The following TLK2 variants were observed in gnomAD, a reference collection of about 807,000 sequenced individuals.
TLK2 encodes serine/threonine-protein kinase tousled-like 2.
TLK2 carries 6 observed loss-of-function variants against 117.3 expected under a neutral mutation model. That is an observed-to-expected ratio of 0.05 (90% confidence interval 0.03 to 0.10). The LOEUF (loss-of-function observed/expected upper bound fraction) is 0.10. Among genes scored for constraint, TLK2 ranks in the 10% least tolerant of loss-of-function variants. The pLI, the probability that TLK2 is intolerant of heterozygous loss-of-function variation, is 1.00. For missense variants in TLK2, 299 were observed against 901.2 expected, an observed-to-expected ratio of 0.33 and a Z score of 8.56; for synonymous variants, 257 against 316.7, an observed-to-expected ratio of 0.81 and a Z score of 2.00.
chr17:62,609,178 G>C (rs2083540292), intron 21 of TLK2, among the ~76,000 whole-genome samples: 1 of 152,126 alleles, frequency 6.6e-6, no homozygotes, highest in Admixed American at 6.5e-5. Flanking sequence ...ACCTCCCCAG[G>C]CTCAGGTGAT....
chr17:62,558,995 A>G (rs1454602744), intron 9 of TLK2, among the ~76,000 whole-genome samples: 1 of 152,178 alleles, frequency 6.6e-6, no homozygotes, highest in Non-Finnish European at 1.5e-5. Context: ...ATTATTTGCT[A>G]GAAGAGCTGA....
At chr17:62,522,939 T>A (rs2076139614) in intron 4 of TLK2, among the ~76,000 whole-genome samples, 195 bp from the exon 5 acceptor site, 1 of 152,242 alleles carries the variant, frequency 6.6e-6, no homozygotes. Flanking sequence ...TTCCTTTCAC[T>A]GCTTGTTCAG....
intron 4 of TLK2, 119 bp from the exon 5 acceptor site, chr17:62,523,015 T>C (rs1293135722): frequency 4.5e-6 from 5 of 1,104,364 alleles, no homozygotes; most frequent in Non-Finnish European, 6.2e-6. Flanking sequence ...TTGTTACAAG[T>C]AAAGCTGACA....
intron 16 of TLK2, 116 bp downstream of exon 16, chr17:62,586,342 C>A: frequency 2.9e-6 from 2 of 692,534 alleles, no homozygotes; most frequent in Non-Finnish European, 5.0e-6. Flanking sequence ...ATCTTCATAA[C>A]TGCCCTGAGA....
intron 2 of TLK2, among the ~76,000 whole-genome samples, chr17:62,487,544 G>T (rs2072563672): frequency 1.4e-5 from 2 of 145,780 alleles, no homozygotes; most frequent in Non-Finnish European, 3.0e-5. Context: ...AAGTAAGTCA[G>T]CAAGGAGATA....
rs2072816841 is a variant in TLK2 at position 62,489,134 on chromosome 17, TCA to T, written c.81+7931_81+7932del. Among the ~76,000 whole-genome samples, 3 of 151,598 alleles carry T rather than the reference TCA, an allele frequency of 2.0e-5. No individual in the cohort carries two copies. In the Admixed American group the frequency reaches 2.0e-4, roughly 10 times the overall value. ...GAAGATTTAACTCCATTTATTCCCC[TCA>T]CAATTCACACGCCATTGCTGTTCTG... is the stretch of plus-strand genomic sequence containing the variant. On this transcript the variant is annotated intron_variant, in intron 2 of 21. Transcript: ENST00000346027.
At chr17:62,536,909 C>T (rs1324972972) in intron 7 of TLK2, among the ~76,000 whole-genome samples, 1 of 152,182 alleles carries the variant, frequency 6.6e-6, no homozygotes, top group Non-Finnish European at 1.5e-5. Flanking sequence ...CTTTGAAGAA[C>T]AAGAATTTGA....
intron 6 of TLK2, among the ~76,000 whole-genome samples, chr17:62,529,787 G>C (rs1180855779): frequency 2.0e-5 from 3 of 151,584 alleles, no homozygotes; most frequent in Admixed American, 6.6e-5. Context: ...TGCCTGTTCT[G>C]TGTTCCTTTT....
intron 2 of TLK2, among the ~76,000 whole-genome samples, chr17:62,489,954 C>G (rs2072930353): frequency 6.6e-6 from 1 of 152,168 alleles, no homozygotes; most frequent in Non-Finnish European, 1.5e-5. Context: ...TGTCAGCCTC[C>G]TGAGTAGCTG....
upstream of TLK2, among the ~76,000 whole-genome samples, chr17:62,475,736 T>C (rs2071027083): frequency 6.6e-6 from 1 of 151,926 alleles, no homozygotes; most frequent in Non-Finnish European, 1.5e-5. Flanking sequence ...CTCGGCTCAC[T>C]GCAACCTCCG....
chr17:62,582,655 G>T (rs1373170831), intron 15 of TLK2, among the ~76,000 whole-genome samples: 1 of 152,102 alleles, frequency 6.6e-6, no homozygotes, highest in Admixed American at 6.5e-5. Flanking sequence ...TAAAAAGATA[G>T]ATATAAAATT....
Position 62,608,157 on chromosome 17 carries a change from T to C in TLK2, c.2079+9T>C, listed in dbSNP as rs1024112592. 6 of 1,608,808 alleles carry C rather than the reference T, an allele frequency of 3.7e-6. No individual in the cohort carries two copies. The Admixed American group carries it at 1.0e-4, about 27-fold the overall frequency. On this transcript the variant is annotated intron_variant, in intron 21 of 21. Transcript: ENST00000346027. Reference sequence around the variant, plus strand: ...TAACACCTGAAGCAAAGGTAAGTTTTGTTTGACCCATTGGCCAACAGAAAC... The same window carrying C: ...TAACACCTGAAGCAAAGGTAAGTTTCGTTTGACCCATTGGCCAACAGAAAC...
chr17:62,563,373 T>C (rs1436869490), intron 10 of TLK2, among the ~76,000 whole-genome samples: 1 of 151,964 alleles, frequency 6.6e-6, no homozygotes, highest in Non-Finnish European at 1.5e-5. Context: ...GAGCCAGGAG[T>C]TGGAGGCTGT....
rs558026987 is a variant in TLK2 at position 62,534,948 on chromosome 17, G to A, written c.364-1222G>A. On this transcript the variant is annotated intron_variant, in intron 6 of 21. Transcript: ENST00000346027. The stretch of plus-strand genomic sequence containing the variant: ...CTGTTACCCAGGCTGGAGTGCAGTG[G>A]CGCAATCTGGGCTCACTGCAACTTC... 1.8e-4 allele frequency among the ~76,000 whole-genome samples: 25 copies of A among 140,640 alleles called. No homozygotes were observed. In the South Asian group the frequency reaches 4.9e-3, roughly 27 times the overall value. The allele number at this position is 140,640 out of a possible 152,430, so 92.3% of individuals were successfully genotyped here.
intron 2 of TLK2, among the ~76,000 whole-genome samples, chr17:62,490,005 A>G (rs955235029): frequency 6.6e-6 from 1 of 151,970 alleles, no homozygotes; most frequent in Non-Finnish European, 1.5e-5. Flanking sequence ...TAATTTTTGT[A>G]TTTTTAGTAG....
chr17:62,597,923 C>T (rs565017266), intron 17 of TLK2, among the ~76,000 whole-genome samples: 2 of 152,310 alleles, frequency 1.3e-5, no homozygotes, highest in South Asian at 4.1e-4. Flanking sequence ...GTCTAGACTT[C>T]AGGTTCCCTC....
intron 2 of TLK2, among the ~76,000 whole-genome samples, chr17:62,509,795 C>T (rs1315287391): frequency 1.3e-5 from 2 of 152,134 alleles, no homozygotes; most frequent in African/African-American, 2.4e-5. Context: ...GGACAGTGTC[C>T]GTCCCCTCTT....
chr17:62,540,099 CT>C (rs571889873), intron 7 of TLK2, among the ~76,000 whole-genome samples: 2,360 of 125,058 alleles, frequency 0.019, 52 homozygotes, highest in African/African-American at 0.053. Context: ...TCTTTCTTTT[CT>C]TTTTTTTTTT....
chr17:62,606,041 T>G, intron 19 of TLK2, 89 bp from the exon 20 acceptor site: 1 of 528,478 alleles, frequency 1.9e-6, no homozygotes, highest in South Asian at 4.8e-5. Flanking sequence ...ATTTCTATTT[T>G]CAACAAGATA....
Sources: allele counts gnomAD v4.1 joint callset (sites outside exome capture counted in the v4.1 genomes callset), GRCh38; gene constraint gnomAD v4.1.1; transcripts MANE v1.5; gene names NCBI Gene and HGNC (gene_info 2026-07-23, HGNC 2026-07-21).